The following ITGB6 variants were observed in gnomAD, a reference collection of about 807,000 sequenced individuals.
ITGB6 encodes integrin subunit beta 6, also known as integrin beta-6.
ITGB6 carries 80 observed loss-of-function variants against 84.5 expected under a neutral mutation model. The ratio of observed to expected loss-of-function variants is 0.95; its 90% CI spans 0.79 to 1.14. The LOEUF (loss-of-function observed/expected upper bound fraction) is 1.14, where lower values mean the gene tolerates loss of function less well. Ranked by LOEUF, ITGB6 falls within the 50% of genes most tolerant of loss-of-function variation. The pLI is 0.00. For missense variants in ITGB6, 1,006 were observed against 968.0 expected (o/e 1.04, Z -0.52); for synonymous variants, 383 against 354.9 (o/e 1.08, Z -0.89).
intron 4 of ITGB6, among the ~76,000 whole-genome samples, chr2:160,180,564 A>G (rs1685624491): frequency 6.6e-6 from 1 of 152,220 alleles, no homozygotes; most frequent in East Asian, 1.9e-4. Context: ...GCACAGACCC[A>G]TGAGGGTCCC....
intron 10 of ITGB6, among the ~76,000 whole-genome samples, chr2:160,134,472 A>G (rs1338492717): frequency 2.0e-5 from 3 of 152,214 alleles, no homozygotes; most frequent in Admixed American, 6.5e-5. Flanking sequence ...ATTCTACCAG[A>G]GGTACAAGGA....
rs371750983 is a variant in ITGB6, at chr2:160,180,132, AC to A, written c.594-5994del. Among the ~76,000 whole-genome samples the A allele has an allele frequency of 0.038, 5,772 of 150,112 alleles. 499 individuals carry two copies. The East Asian group carries it at 0.39, about 10-fold the overall frequency. ...CCACCTCAAAAAAAAAAAAAAACAAACAAAAAAAACAACCTTCAGAATGTTG... is the reference window on the plus strand; with the variant it reads ...CCACCTCAAAAAAAAAAAAAAACAAAAAAAAAAACAACCTTCAGAATGTTG... On this transcript the variant is annotated intron_variant, in intron 4 of 14. Coordinates refer to ENST00000283249, the MANE Select transcript of ITGB6 (RefSeq NM_000888.5).
chr2:160,191,131 C>T (rs1686125049), intron 4 of ITGB6, among the ~76,000 whole-genome samples: 1 of 152,150 alleles, frequency 6.6e-6, no homozygotes, highest in African/African-American at 2.4e-5. Flanking sequence ...GTTGTTAGCA[C>T]CAAGCTTATT....
At position 160,123,794 on chromosome 2, in the gene ITGB6, C is replaced by T. The variant is rs1199919769; in HGVS notation, c.1978G>A (p.Glu660Lys). 3 of 1,612,618 alleles carry T rather than the reference C, an allele frequency of 1.9e-6. No individual in the cohort carries two copies. Among genetic ancestry groups the T allele is most frequent in the East Asian group, 4.5e-5 (2 of 44,866 alleles). Reference sequence around the variant, plus strand: ...AACAATTTAAGACAAGCAGAACCTTCTTCTTCACTGATGGTCGCACCAGCT... The same window carrying T: ...AACAATTTAAGACAAGCAGAACCTTTTTCTTCACTGATGGTCGCACCAGCT... ...KLAGATISEEEDFSKDGSVSC... is the reference protein window; with the variant it reads ...KLAGATISEEKDFSKDGSVSC... Residue 660 changes from glutamate (E) to lysine (K), a missense_variant, in exon 12 of 15, where the codon GAA becomes AAA. Physicochemically the swap from Glu to Lys is moderately conservative, Grantham distance 56. Transcript: ENST00000283249.
intron 4 of ITGB6, among the ~76,000 whole-genome samples, chr2:160,191,274 G>A (rs145704513): frequency 4.6e-5 from 7 of 152,126 alleles, no homozygotes; most frequent in Admixed American, 6.5e-5. Flanking sequence ...GGAACTACTC[G>A]CAGATGCCAC....
chr2:160,200,125 C>A lies in ITGB6; in HGVS notation c.-62G>T. On this transcript the variant is annotated 5_prime_UTR_variant, in exon 1 of 15. Coordinates refer to ENST00000283249, the MANE Select transcript of ITGB6 (RefSeq NM_000888.5). The stretch of plus-strand genomic sequence containing the variant: ...TGAATTACCTTCAGCGTTACAAGAC[C>A]AACGCTGAATATCGTTAAAGTCTTT... 7.9e-7 allele frequency: 1 copy of A among 1,269,472 alleles called. No individual in the cohort carries two copies. The highest frequency in any genetic ancestry group is 1.1e-6 in the Non-Finnish European group (1 of 870,294). The allele number at this position is 1,269,472 out of a possible 1,614,324, so 78.6% of individuals were successfully genotyped here.
At chr2:160,107,593 C>T (rs1696958157) in intron 14 of ITGB6, 86 bp downstream of exon 14, 1 of 1,239,798 alleles carries the variant, frequency 8.1e-7, no homozygotes, top group Non-Finnish European at 1.2e-6. Context: ...TTTGAACTCC[C>T]AGAGCAGAAG....
intron 7 of ITGB6, among the ~76,000 whole-genome samples, chr2:160,150,175 A>C (rs890674881): frequency 7.9e-5 from 12 of 152,346 alleles, no homozygotes; most frequent in African/African-American, 2.9e-4. Context: ...CAAAGTTGAA[A>C]TGAATGAAAA....
intron 12 of ITGB6, among the ~76,000 whole-genome samples, chr2:160,119,087 T>A (rs1682909925): frequency 6.6e-6 from 1 of 152,182 alleles, no homozygotes; most frequent in South Asian, 2.1e-4. Context: ...ATGGCCATAC[T>A]GTCCAAGGTA....
At chr2:160,132,115 A>G (rs889806753) in intron 10 of ITGB6, among the ~76,000 whole-genome samples, 13 of 152,136 alleles carry the variant, frequency 8.5e-5, no homozygotes, top group Non-Finnish European at 1.8e-4. Context: ...GACATGCAAT[A>G]TGGGATTCTG....
chr2:160,113,918 G>A (rs891315866), intron 12 of ITGB6, among the ~76,000 whole-genome samples: 1 of 152,028 alleles, frequency 6.6e-6, no homozygotes, highest in Non-Finnish European at 1.5e-5. Context: ...TTTCTTCTTG[G>A]ACTGTTTTCT....
chr2:160,136,477 G>A (rs1683727624), intron 10 of ITGB6, among the ~76,000 whole-genome samples: 1 of 152,144 alleles, frequency 6.6e-6, no homozygotes, highest in African/African-American at 2.4e-5. Flanking sequence ...TTCAACCATT[G>A]TGGAAGTCAG....
rs1351976368 is a variant in ITGB6, at chr2:160,119,275, G to T, written c.1981+4516C>A. 2.0e-5 allele frequency among the ~76,000 whole-genome samples: 3 copies of T among 152,234 alleles called. No homozygotes were observed. In the East Asian group the frequency reaches 5.8e-4, roughly 29 times the overall value. Reference sequence around the variant, plus strand: ...ACCTGACTTCAAACTATACTACAAGGCTACAGTAACCAAAACAGCATGGTA... The same window carrying T: ...ACCTGACTTCAAACTATACTACAAGTCTACAGTAACCAAAACAGCATGGTA... On this transcript the variant is annotated intron_variant, in intron 12 of 14. Coordinates refer to ENST00000283249, the MANE Select transcript of ITGB6 (RefSeq NM_000888.5).
intron 13 of ITGB6, among the ~76,000 whole-genome samples, chr2:160,109,633 A>G (rs527352195): frequency 1.3e-5 from 2 of 152,360 alleles, no homozygotes; most frequent in African/African-American, 4.8e-5. Flanking sequence ...AATAGAGATC[A>G]TCACTTTTCA....
chr2:160,199,150 T>C lies in ITGB6; in HGVS notation c.141+29A>G, dbSNP rs1347329096. 3 of 1,575,064 alleles carry C rather than the reference T, an allele frequency of 1.9e-6. No homozygotes were observed. The African/African-American group carries it at 4.0e-5, about 21-fold the overall frequency. ...CATGAATTTAACTGCAGACAGGTTT[T>C]AAAAACACATTGAGGTCATTTATTT... On this transcript the variant is annotated intron_variant, in intron 2 of 14. Coordinates refer to ENST00000283249, the MANE Select transcript of ITGB6 (RefSeq NM_000888.5).
intron 4 of ITGB6, among the ~76,000 whole-genome samples, chr2:160,190,281 C>A (rs1174743602): frequency 6.6e-6 from 1 of 151,736 alleles, no homozygotes; most frequent in African/African-American, 2.4e-5. Context: ...GTGCAGCACA[C>A]CAACATGGCA....
chr2:160,181,991 C>T (rs1685697450), intron 4 of ITGB6, among the ~76,000 whole-genome samples: 1 of 152,102 alleles, frequency 6.6e-6, no homozygotes, highest in Admixed American at 6.6e-5. Flanking sequence ...CCGAAGGTTA[C>T]CAACATAAAA....
intron 7 of ITGB6, among the ~76,000 whole-genome samples, chr2:160,155,198 A>T (rs992437072): frequency 6.6e-6 from 1 of 152,182 alleles, no homozygotes; most frequent in Non-Finnish European, 1.5e-5. Context: ...TCTCTATAGC[A>T]ATGTGAGAAC....
At chr2:160,171,158 TG>T in intron 6 of ITGB6, among the ~76,000 whole-genome samples, 1 of 152,132 alleles carries the variant, frequency 6.6e-6, no homozygotes, top group South Asian at 2.1e-4. Context: ...GTTTTCCAAT[TG>T]ACATTAGAAT....
Sources: allele counts gnomAD v4.1 joint callset (sites outside exome capture counted in the v4.1 genomes callset), GRCh38; gene constraint gnomAD v4.1.1; transcripts MANE v1.5; gene names NCBI Gene and HGNC (gene_info 2026-07-23, HGNC 2026-07-21).